The following MS4A15 variants were observed in gnomAD, a reference collection of about 807,000 sequenced individuals.
The protein encoded by MS4A15 is membrane spanning 4-domains A15.
A neutral mutation model predicts 20.6 loss-of-function variants in MS4A15; 22 were observed. The ratio of observed to expected loss-of-function variants is 1.07; its 90% CI spans 0.76 to 1.52. The LOEUF (loss-of-function observed/expected upper bound fraction) is 1.52, where lower values mean the gene tolerates loss of function less well. Among genes scored for constraint, MS4A15 ranks in the 40% most tolerant of loss-of-function variants. MS4A15 has a pLI of 0.00. For synonymous variants in MS4A15, 129 were observed against 129.3 expected (o/e 1.00, Z 0.02); for missense variants, 312 against 323.0 (o/e 0.97, Z 0.26).
rs1719938149 is a variant in MS4A15 at position 60,763,878 on chromosome 11, G to T, written c.145G>T (p.Ala49Ser). 1 of 1,613,008 alleles carries T rather than the reference G, an allele frequency of 6.2e-7. No individual in the cohort carries two copies. Among genetic ancestry groups the T allele is most frequent in the African/African-American group, 1.3e-5 (1 of 75,006 alleles). The change falls in exon 2 of 7, where the codon GCA becomes TCA. Residue 49 changes from alanine to serine, a missense_variant. By Grantham distance (99) the Ala-to-Ser change is moderately conservative. Transcript: ENST00000405633. ...IMQFEEPPLGAQTPRATQPPD... is the reference protein window; with the variant it reads ...IMQFEEPPLGSQTPRATQPPD... ...GCAGTTTGAGGAGCCACCGCTGGGG[G>T]CACAGACACCAAGGGCCACACAGCC...
At chr11:60,764,073 C>CA (rs1853820584) in intron 2 of MS4A15, 115 bp downstream of exon 2, 1 of 959,374 alleles carries the variant, frequency 1.0e-6, no homozygotes, top group Admixed American at 2.5e-5. Context: ...AGTAATGACT[C>CA]AAAGATTCAG....
chr11:60,772,537 A>C (rs924866573), intron 4 of MS4A15, among the ~76,000 whole-genome samples: 9 of 152,220 alleles, frequency 5.9e-5, no homozygotes, highest in African/African-American at 2.2e-4. Context: ...GCTCAATAAA[A>C]GCTTTTGGCT....
intron 6 of MS4A15, 31 bp downstream of exon 6, chr11:60,773,981 A>G: frequency 7.8e-7 from 1 of 1,280,690 alleles, no homozygotes; most frequent in South Asian, 1.2e-5. Flanking sequence ...CCCCACGTCC[A>G]CTAAACCTGA....
chr11:60,767,627 G>T lies in MS4A15; in HGVS notation c.320G>T (p.Gly107Val). 4 of 1,556,616 alleles carry T rather than the reference G, an allele frequency of 2.6e-6. No individual in the cohort carries two copies. The highest frequency in any genetic ancestry group is 2.4e-5 in the South Asian group (2 of 84,076). Residue 107 changes from glycine (G) to valine (V), a missense_variant, in exon 3 of 7, where the codon GGC (glycine) becomes GTC (valine). Physicochemically the swap from Gly to Val is moderately radical, Grantham distance 109. Transcript: ENST00000405633. ...RGHVGIFFIE[G>V]GVPFWGGACF... ...CACGTGGGCATCTTCTTCATCGAGGGCGGCGTCCCCTTCTGGGGAGGAGCC... is the reference window on the plus strand; with the variant it reads ...CACGTGGGCATCTTCTTCATCGAGGTCGGCGTCCCCTTCTGGGGAGGAGCC...
chr11:60,768,064 A>C (rs1853928083), intron 3 of MS4A15, among the ~76,000 whole-genome samples: 1 of 152,152 alleles, frequency 6.6e-6, no homozygotes, highest in South Asian at 2.1e-4. Flanking sequence ...ACGGTGGTGC[A>C]TGCCTGTAAT....
At chr11:60,761,059 T>A (rs1300623169) in intron 1 of MS4A15, among the ~76,000 whole-genome samples, 1 of 152,240 alleles carries the variant, frequency 6.6e-6, no homozygotes, top group African/African-American at 2.4e-5. Context: ...ACATGTTTAC[T>A]GGAGTCATGT....
Position 60,771,367 on chromosome 11 carries a change from C to A in MS4A15, c.405+20C>A. On this transcript the variant is annotated intron_variant, in intron 4 of 6. Transcript: ENST00000405633. ...TGCCTGGTGAGTGTGAACAGGGGGA[C>A]CCAGGGGCGGGGATGAAGCCACAGC... 6.2e-7 allele frequency: 1 copy of A among 1,614,012 alleles called. No individual in the cohort carries two copies. Among genetic ancestry groups the A allele is most frequent in the Non-Finnish European group, 8.5e-7 (1 of 1,180,012 alleles).
Position 60,763,978 on chromosome 11 carries a change from A to G in MS4A15, c.225+20A>G. On this transcript the variant is annotated intron_variant, in intron 2 of 6. Transcript: ENST00000405633. ...TTGGGGGTAAGAACAGCCTCTCTGC[A>G]CAACCTGAGGCAGGTAGTGAGTATC... 1 of 1,596,286 alleles carries G rather than the reference A, an allele frequency of 6.3e-7. No homozygotes were observed. The highest frequency in any genetic ancestry group is 8.6e-7 in the Non-Finnish European group (1 of 1,169,370).
Position 60,764,051 on chromosome 11 carries a change from T to G in MS4A15, c.225+93T>G. The G allele has an allele frequency of 6.0e-6, 7 of 1,166,664 alleles. No individual in the cohort carries two copies. In the South Asian group the frequency reaches 1.1e-4, roughly 18 times the overall value. The allele number at this position is 1,166,664 out of a possible 1,614,324, so 72.3% of individuals were successfully genotyped here. Reference sequence around the variant, plus strand: ...TGTTTTGGAGAGGGGAGAAGGCAGTTAACAAATATGTAGTAATGACTCAAA... The same window carrying G: ...TGTTTTGGAGAGGGGAGAAGGCAGTGAACAAATATGTAGTAATGACTCAAA... On this transcript the variant is annotated intron_variant, in intron 2 of 6. Coordinates refer to ENST00000405633, the MANE Select transcript of MS4A15 (RefSeq NM_001098835.2).
At chr11:60,767,229 G>C (rs947047603) in intron 2 of MS4A15, among the ~76,000 whole-genome samples, 1 of 152,158 alleles carries the variant, frequency 6.6e-6, no homozygotes, top group African/African-American at 2.4e-5. Context: ...ATTGAACCGA[G>C]TCCTGAGAAA....
At position 60,775,579 on chromosome 11, in the gene MS4A15, G is replaced by A. The variant is rs774744153; in HGVS notation, c.613-26G>A. The A allele has an allele frequency of 3.8e-6, 6 of 1,597,692 alleles. No homozygotes were observed. The Admixed American group carries it at 8.4e-5, about 22-fold the overall frequency. On this transcript the variant is annotated intron_variant, in intron 6 of 6. Transcript: ENST00000405633. The stretch of plus-strand genomic sequence containing the variant: ...ACCCTGAAGCTCCAGCGTCCTCCAG[G>A]ACGCTCAGTGCTGTTTTCTTTGCAG...
intron 1 of MS4A15, among the ~76,000 whole-genome samples, chr11:60,762,677 A>G (rs2134704581): frequency 6.6e-6 from 1 of 152,320 alleles, no homozygotes; most frequent in East Asian, 1.9e-4. Context: ...ATAACCAAGA[A>G]AAAGCAATAA....
At position 60,773,861 on chromosome 11, in the gene MS4A15, G is replaced by A. The variant is rs200402929; in HGVS notation, c.523G>A (p.Val175Met). The A allele has an allele frequency of 7.9e-5, 128 of 1,614,118 alleles. No homozygotes were observed. The highest frequency in any genetic ancestry group is 1.7e-4 in the Middle Eastern group (1 of 6,046). The change falls in exon 6 of 7, where the codon GTG (valine) becomes ATG (methionine). Residue 175 changes from valine to methionine, a missense_variant. Val to Met is a conservative substitution (Grantham distance 21). Coordinates refer to ENST00000405633, the MANE Select transcript of MS4A15 (RefSeq NM_001098835.2). ...GGATGTGGACAGGGGCTATCTGGCC[G>A]TGCTTACTATCTTCACTGTCCTGGA... is the stretch of plus-strand genomic sequence containing the variant. ...NRDVDRGYLA[V>M]LTIFTVLEFF...
chr11:60,767,578 G>A lies in MS4A15; in HGVS notation c.271G>A (p.Val91Met), dbSNP rs780612805. ...CCTCATCCACCTAGGCTTTGGCAGC[G>A]TGCTGCTCATGGTTCGCCGCGGCCA... ...IGLIHLGFGS[V>M]LLMVRRGHVG... is the part of the protein sequence containing the mutation. Residue 91 changes from valine to methionine, a missense_variant, in exon 3 of 7, where the codon GTG becomes ATG. By Grantham distance (21) the Val-to-Met change is conservative. Coordinates refer to ENST00000405633, the MANE Select transcript of MS4A15 (RefSeq NM_001098835.2). 1.3e-6 allele frequency: 2 copies of A among 1,554,924 alleles called. No individual in the cohort carries two copies. Among genetic ancestry groups the A allele is most frequent in the South Asian group, 1.2e-5 (1 of 83,876 alleles).
intron 3 of MS4A15, among the ~76,000 whole-genome samples, chr11:60,769,110 C>A (rs571601033): frequency 3.9e-5 from 6 of 152,288 alleles, no homozygotes; most frequent in African/African-American, 1.2e-4. Context: ...CCCTCTGAGC[C>A]CCCTCCTGCC....
intron 3 of MS4A15, among the ~76,000 whole-genome samples, chr11:60,771,050 T>C (rs1043390503): frequency 2.5e-4 from 38 of 152,182 alleles, no homozygotes; most frequent in African/African-American, 8.7e-4. Flanking sequence ...GAAGGAACAA[T>C]GCCTTCCCCA....
At chr11:60,773,070 G>C (rs1446411205) in intron 4 of MS4A15, among the ~76,000 whole-genome samples, 1 of 152,228 alleles carries the variant, frequency 6.6e-6, no homozygotes, top group Non-Finnish European at 1.5e-5. Flanking sequence ...TGGGGGAGAG[G>C]GAGCCACAGT....
intron 1 of MS4A15, among the ~76,000 whole-genome samples, chr11:60,758,268 A>G (rs1853641608): frequency 1.3e-5 from 2 of 152,164 alleles, no homozygotes; most frequent in African/African-American, 4.8e-5. Context: ...TAAAAAAAAA[A>G]AATCCCGTAA....
At chr11:60,761,523 A>G (rs1321452976) in intron 1 of MS4A15, among the ~76,000 whole-genome samples, 3 of 152,136 alleles carry the variant, frequency 2.0e-5, no homozygotes, top group African/African-American at 7.2e-5. Context: ...ATGGCACCTT[A>G]CTTGATTGGA....
Sources: allele counts gnomAD v4.1 joint callset (sites outside exome capture counted in the v4.1 genomes callset), GRCh38; gene constraint gnomAD v4.1.1; transcripts MANE v1.5; gene names NCBI Gene and HGNC (gene_info 2026-07-23, HGNC 2026-07-21).